Variants in PSME3IP1 observed in about 807,000 individuals in gnomAD.
The protein encoded by PSME3IP1 is proteasome activator subunit 3 interacting protein 1.
A neutral mutation model predicts 34.1 loss-of-function variants in PSME3IP1; 13 were observed. That is an observed-to-expected ratio of 0.38 (90% CI 0.25 to 0.61). The LOEUF is 0.61. Among genes scored for constraint, PSME3IP1 ranks in the 20% least tolerant of loss-of-function variants. The pLI, the probability that PSME3IP1 is intolerant of heterozygous loss-of-function variation, is 0.60. For synonymous variants in PSME3IP1, 93 were observed against 114.3 expected (o/e 0.81, Z 1.19); for missense variants, 237 against 301.4 (o/e 0.79, Z 1.58).
intron 1 of PSME3IP1, among the ~76,000 whole-genome samples, chr16:57,177,546 A>G (rs1178716722): frequency 1.3e-5 from 2 of 152,108 alleles, no homozygotes; most frequent in African/African-American, 4.8e-5. Flanking sequence ...AATGAAAATA[A>G]GAAATAAAGT....
chr16:57,171,162 C>A (rs1332919365), intron 4 of PSME3IP1, among the ~76,000 whole-genome samples: 3 of 152,096 alleles, frequency 2.0e-5, no homozygotes, highest in Admixed American at 6.5e-5. Flanking sequence ...GAGGGCTGAG[C>A]TGTGAAATGC....
intron 6 of PSME3IP1, among the ~76,000 whole-genome samples, chr16:57,156,288 G>A (rs1342720019): frequency 1.3e-5 from 2 of 152,220 alleles, no homozygotes; most frequent in Admixed American, 1.3e-4. Context: ...AAGGGTTGGA[G>A]TTCATACTTT....
chr16:57,180,782 C>A (rs548586703), intron 1 of PSME3IP1, among the ~76,000 whole-genome samples: 2 of 152,134 alleles, frequency 1.3e-5, no homozygotes, highest in South Asian at 4.1e-4. Context: ...AGGCTAGGCA[C>A]AGTGGCTCAT....
rs139083931 is a variant in PSME3IP1, at chr16:57,163,303, C to T, written c.547+698G>A. Among the ~76,000 whole-genome samples the T allele has an allele frequency of 1.2e-3, 183 of 152,112 alleles. 1 individual carries two copies. The highest frequency in any genetic ancestry group is 6.8e-3 in the Admixed American group (104 of 15,286). On this transcript the variant is annotated intron_variant, in intron 6 of 6. Transcript: ENST00000309137. ...AGTAGGTTCTAGACCAAAAGGGTAA[C>T]AGCAACAGACCACCACCACTGGTGC...
intron 6 of PSME3IP1, among the ~76,000 whole-genome samples, chr16:57,162,082 AG>A (rs1470364738): frequency 1.3e-5 from 2 of 151,984 alleles, no homozygotes; most frequent in African/African-American, 2.4e-5. Context: ...TTGTATTTTT[AG>A]TAGAGACAGG....
chr16:57,159,719 G>T (rs954421949), intron 6 of PSME3IP1, among the ~76,000 whole-genome samples: 1 of 152,168 alleles, frequency 6.6e-6, no homozygotes, highest in African/African-American at 2.4e-5. Flanking sequence ...CAAAAAGATG[G>T]CTCTGAAACA....
intron 6 of PSME3IP1, among the ~76,000 whole-genome samples, chr16:57,162,757 G>T (rs2071412179): frequency 6.6e-6 from 1 of 151,750 alleles, no homozygotes; most frequent in Admixed American, 6.6e-5. Context: ...GGTAATGGGG[G>T]TTTATTATAC....
intron 6 of PSME3IP1, among the ~76,000 whole-genome samples, chr16:57,160,056 C>T (rs1209698768): frequency 6.6e-6 from 1 of 151,996 alleles, no homozygotes; most frequent in Non-Finnish European, 1.5e-5. Flanking sequence ...TTTGGGAGGC[C>T]GAGGCGGGTG....
intron 1 of PSME3IP1, among the ~76,000 whole-genome samples, chr16:57,184,253 A>AG (rs1555496252): frequency 6.6e-6 from 1 of 152,112 alleles, no homozygotes; most frequent in African/African-American, 2.4e-5. Context: ...TAAAAAAAAA[A>AG]AGAGAAACAA....
intron 1 of PSME3IP1, among the ~76,000 whole-genome samples, chr16:57,176,310 C>T (rs1471146115): frequency 6.6e-5 from 10 of 152,218 alleles, no homozygotes; most frequent in Admixed American, 5.9e-4. Context: ...TATTAATCAT[C>T]TGGTTTCTTT....
In PSME3IP1 at chr16:57,172,383, A is replaced by G. The variant is rs1339360765; in HGVS notation, c.227-11T>C. On this transcript the variant is annotated splice_polypyrimidine_tract_variant and intron_variant, in intron 3 of 6. Coordinates refer to ENST00000309137, the MANE Select transcript of PSME3IP1 (RefSeq NM_024946.4). ...CTCTTACCATGTTTTCTGAGGAAAT[A>G]ATTAAACAAGGCACACTTAGCAGGC... The G allele has an allele frequency of 6.2e-7, 1 of 1,613,222 alleles. No individual in the cohort carries two copies.
At chr16:57,159,115 G>A (rs144489671) in intron 6 of PSME3IP1, among the ~76,000 whole-genome samples, 10 of 152,296 alleles carry the variant, frequency 6.6e-5, no homozygotes, top group African/African-American at 9.6e-5. Context: ...GAGTGCCTGT[G>A]GGGGTAGAGA....
intron 2 of PSME3IP1, 128 bp from the exon 3 acceptor site, chr16:57,173,002 G>A: frequency 1.5e-6 from 1 of 650,636 alleles, no homozygotes; most frequent in Non-Finnish European, 2.8e-6. Flanking sequence ...ATCTGAGGGT[G>A]TGGATAACAC....
chr16:57,164,677 CTGTG>C (rs1442270961), intron 5 of PSME3IP1, among the ~76,000 whole-genome samples: 1 of 152,186 alleles, frequency 6.6e-6, no homozygotes, highest in African/African-American at 2.4e-5. Flanking sequence ...GGGGACATTA[CTGTG>C]TGTATGTACT....
chr16:57,177,366 TTC>T (rs1450126174), intron 1 of PSME3IP1, among the ~76,000 whole-genome samples: 7 of 148,188 alleles, frequency 4.7e-5, no homozygotes, highest in South Asian at 2.2e-4. Context: ...TTTTTTTTTT[TTC>T]GTGAAACAGG....
At chr16:57,163,034 G>A (rs141519123) in intron 6 of PSME3IP1, among the ~76,000 whole-genome samples, 5,117 of 152,106 alleles carry the variant, frequency 0.034, 284 homozygotes, top group East Asian at 0.23. Flanking sequence ...GTGTGGTGGC[G>A]CACGCCTGTA....
At chr16:57,175,846 A>G (rs904879856) in intron 1 of PSME3IP1, 1 of 152,232 alleles carries the variant, frequency 6.6e-6, no homozygotes, top group Admixed American at 6.5e-5. Flanking sequence ...CAACATTTTT[A>G]TTTAGTAAAG....
At chr16:57,166,591 C>T (rs1469569850) in intron 5 of PSME3IP1, among the ~76,000 whole-genome samples, 1 of 152,168 alleles carries the variant, frequency 6.6e-6, no homozygotes, top group Non-Finnish European at 1.5e-5. Flanking sequence ...AACACCCTCC[C>T]AGCAGCATTG....
chr16:57,174,730 T>G lies in PSME3IP1; in HGVS notation c.-15-861A>C, dbSNP rs529271353. 1.4e-3 allele frequency: 1,410 copies of G among 974,436 alleles called. 1 individual carries two copies. Among genetic ancestry groups the G allele is most frequent in the Non-Finnish European group, 1.7e-3 (1,359 of 819,954 alleles). 60.4% of individuals were successfully genotyped at this position (974,436 alleles called of 1,614,324 possible). Reference sequence around the variant, plus strand: ...GTGCACAAACCATGAATGGAGAAAGTGAGACTGGAAGAACAGATCTCCCAA... The same window carrying G: ...GTGCACAAACCATGAATGGAGAAAGGGAGACTGGAAGAACAGATCTCCCAA... On this transcript the variant is annotated intron_variant, in intron 1 of 6. Transcript: ENST00000309137.
Sources: allele counts gnomAD v4.1 joint callset (sites outside exome capture counted in the v4.1 genomes callset), GRCh38; gene constraint gnomAD v4.1.1; transcripts MANE v1.5; gene names NCBI Gene and HGNC (gene_info 2026-07-23, HGNC 2026-07-21).